NRP1: variants seen among roughly 807,000 people sequenced by gnomAD.
The protein encoded by NRP1 is neuropilin-1.
Under a neutral mutation model 106.7 loss-of-function variants are expected in NRP1, and 35 were observed. The ratio of observed to expected loss-of-function variants is 0.33; its 90% CI spans 0.25 to 0.43. The LOEUF (loss-of-function observed/expected upper bound fraction) is 0.43, where lower values mean the gene tolerates loss of function less well. NRP1 is among the 20% of genes least tolerant of loss of function. The pLI, the probability that NRP1 is intolerant of heterozygous loss-of-function variation, is 1.00. For missense variants in NRP1, 1,024 were observed against 1,170.4 expected, an observed-to-expected ratio of 0.87 and a Z score of 1.83; for synonymous variants, 437 against 417.9, an observed-to-expected ratio of 1.05 and a Z score of -0.56.
intron 1 of NRP1, among the ~76,000 whole-genome samples, chr10:33,331,533 G>A (rs1044644920): frequency 2.0e-5 from 3 of 152,162 alleles, no homozygotes; most frequent in Non-Finnish European, 2.9e-5. Flanking sequence ...CTTGGAGATC[G>A]GATCAAAGCA....
At chr10:33,258,214 G>A (rs567114902) in intron 4 of NRP1, among the ~76,000 whole-genome samples, 1 of 152,236 alleles carries the variant, frequency 6.6e-6, no homozygotes, top group East Asian at 1.9e-4. Flanking sequence ...TTGGCCGACA[G>A]GTTTTCAGCT....
chr10:33,315,808 A>G (rs1846988802), intron 2 of NRP1, among the ~76,000 whole-genome samples: 1 of 152,240 alleles, frequency 6.6e-6, no homozygotes, highest in South Asian at 2.1e-4. Context: ...ATGATAAGTA[A>G]CATTTTGACA....
intron 2 of NRP1, among the ~76,000 whole-genome samples, chr10:33,301,351 G>A (rs1359334045): frequency 6.6e-6 from 1 of 152,158 alleles, no homozygotes; most frequent in East Asian, 1.9e-4. Context: ...TAAATAAACT[G>A]GATGACAGCG....
intron 7 of NRP1, among the ~76,000 whole-genome samples, chr10:33,222,840 A>T (rs528473891): frequency 1.3e-5 from 2 of 152,310 alleles, no homozygotes; most frequent in South Asian, 4.1e-4. Context: ...TCTAAGAAAG[A>T]TGAGGCATGT....
intron 5 of NRP1, among the ~76,000 whole-genome samples, chr10:33,255,380 CCT>C (rs1842128623): frequency 6.6e-6 from 1 of 152,132 alleles, no homozygotes; most frequent in Non-Finnish European, 1.5e-5. Context: ...CCAAACACCC[CCT>C]GTCCTCTCCC....
Position 33,180,006 on chromosome 10 carries a change from C to CA in NRP1, c.*69dup, listed in dbSNP as rs1264491517. The CA allele has an allele frequency of 1.3e-6, 2 of 1,510,314 alleles. No homozygotes were observed. The highest frequency in any genetic ancestry group is 1.8e-6 in the Non-Finnish European group (2 of 1,103,976). 93.6% of individuals were successfully genotyped at this position (1,510,314 alleles called of 1,614,324 possible). A position where few individuals can be genotyped will look rare whatever the true frequency, so the allele number is the denominator to read the frequency against. ...CTTCCCAGCCTGTATAGTGAAAGAT[C>CA]AACAGCTCCCCAGCTCACTCCCGTC... On this transcript the variant is annotated 3_prime_UTR_variant, in exon 17 of 17. Coordinates refer to ENST00000374867, the MANE Select transcript of NRP1 (RefSeq NM_003873.7).
At chr10:33,213,274 C>T in intron 9 of NRP1, 112 bp downstream of exon 9, 2 of 1,613,050 alleles carry the variant, frequency 1.2e-6, no homozygotes, top group Non-Finnish European at 1.7e-6. Context: ...CACACCTCCT[C>T]TAATGTCATG....
chr10:33,192,362 A>G lies in NRP1; in HGVS notation c.1981T>C (p.Cys661Arg), dbSNP rs1367824389. 1.2e-6 allele frequency: 2 copies of G among 1,613,932 alleles called. No homozygotes were observed. Among genetic ancestry groups the G allele is most frequent in the Non-Finnish European group, 1.7e-6 (2 of 1,179,908 alleles). ...EFGWGSHKTF[C>R]HWEHDNHVQL... Reference sequence around the variant, plus strand: ...ACGTGATTGTCATGTTCCCAGTGGCAGAAGGTCTTGTGAGAGCCCCAGCCA... The same window carrying G: ...ACGTGATTGTCATGTTCCCAGTGGCGGAAGGTCTTGTGAGAGCCCCAGCCA... Residue 661 changes from cysteine to arginine, a missense_variant, in exon 13 of 17, where the codon TGC (cysteine) becomes CGC (arginine). Transcript: ENST00000374867.
rs116202497 is a variant in NRP1 at position 33,310,875 on chromosome 10, G to A, written c.248+19833C>T. ...GCTTGGGATGTGGGGAAGAAAAGACGACCTACAGTTTCTATTTATTGTTTC... is the reference window on the plus strand; with the variant it reads ...GCTTGGGATGTGGGGAAGAAAAGACAACCTACAGTTTCTATTTATTGTTTC... On this transcript the variant is annotated intron_variant, in intron 2 of 16. Coordinates refer to ENST00000374867, the MANE Select transcript of NRP1 (RefSeq NM_003873.7). Among the ~76,000 whole-genome samples the A allele has an allele frequency of 7.0e-3, 1,060 of 152,188 alleles. 15 individuals are homozygous for A. Among genetic ancestry groups the A allele is most frequent in the African/African-American group, 0.025 (1,028 of 41,544 alleles).
At chr10:33,260,608 G>A (rs963203663) in intron 4 of NRP1, among the ~76,000 whole-genome samples, 1 of 152,088 alleles carries the variant, frequency 6.6e-6, no homozygotes, top group Non-Finnish European at 1.5e-5. Context: ...GGGCAATGAT[G>A]CTGCACTTTT....
At chr10:33,282,272 C>A (rs1844197781) in intron 2 of NRP1, among the ~76,000 whole-genome samples, 1 of 152,102 alleles carries the variant, frequency 6.6e-6, no homozygotes, top group Non-Finnish European at 1.5e-5. Flanking sequence ...GGTGGAGGCA[C>A]TAGGGTGCAA....
chr10:33,254,599 T>C (rs4934851), intron 5 of NRP1, among the ~76,000 whole-genome samples: 88,575 of 151,922 alleles, frequency 0.58, 26,012 homozygotes, highest in East Asian at 0.71. Flanking sequence ...TCGAAGAGAA[T>C]TGAAAAAAGA....
At chr10:33,213,825 T>C in intron 8 of NRP1, 108 bp from the exon 9 acceptor site, 2 of 867,322 alleles carry the variant, frequency 2.3e-6, no homozygotes, top group Admixed American at 3.0e-5. Context: ...TACCCAATCA[T>C]ATACAATTTT....
chr10:33,233,351 G>A (rs1840309006), intron 6 of NRP1, among the ~76,000 whole-genome samples: 1 of 152,088 alleles, frequency 6.6e-6, no homozygotes, highest in Admixed American at 6.5e-5. Flanking sequence ...TATGGCCATG[G>A]TATTGTCTTA....
Position 33,199,365 on chromosome 10 carries a change from T to TTATA in NRP1, c.1865-1657_1865-1656insTATA, listed in dbSNP as rs57582967. Among the ~76,000 whole-genome samples, 17 of 64,266 alleles carry TTATA rather than the reference T, an allele frequency of 2.6e-4. 2 individuals carry two copies. Among genetic ancestry groups the TTATA allele is most frequent in the African/African-American group, 7.7e-4 (15 of 19,444 alleles). 42.2% of individuals were successfully genotyped at this position (64,266 alleles called of 152,430 possible). ...GTGTGCGCCACCATGCCTGGCTGTT[T>TTATA]TCTATATATATATATATATATATAT... is the stretch of plus-strand genomic sequence containing the variant. On this transcript the variant is annotated intron_variant, in intron 11 of 16. Coordinates refer to ENST00000374867, the MANE Select transcript of NRP1 (RefSeq NM_003873.7).
intron 4 of NRP1, among the ~76,000 whole-genome samples, chr10:33,259,637 T>G (rs1165980997): frequency 6.6e-6 from 1 of 152,188 alleles, no homozygotes; most frequent in African/African-American, 2.4e-5. Context: ...AGAGGAGAGC[T>G]ATAATGATCA....
intron 3 of NRP1, among the ~76,000 whole-genome samples, chr10:33,266,177 A>G (rs1842904774): frequency 6.6e-6 from 1 of 152,202 alleles, no homozygotes; most frequent in African/African-American, 2.4e-5. Context: ...TGAGAAAAAA[A>G]TGACAGGAAT....
At chr10:33,293,440 A>G (rs1845145860) in intron 2 of NRP1, among the ~76,000 whole-genome samples, 1 of 152,158 alleles carries the variant, frequency 6.6e-6, no homozygotes. Context: ...AATTAATTTC[A>G]TTGTGCCAGA....
chr10:33,293,082 AG>A (rs1845118712), intron 2 of NRP1, among the ~76,000 whole-genome samples: 2 of 152,238 alleles, frequency 1.3e-5, no homozygotes, highest in South Asian at 4.1e-4. Context: ...AAATTTTAGA[AG>A]ACAGGCTTCC....
Sources: gnomAD v4.1 joint callset for allele counts (sites outside exome capture counted in the v4.1 genomes callset) on GRCh38, gnomAD v4.1.1 for gene constraint, MANE v1.5 for transcripts, NCBI Gene and HGNC (gene_info 2026-07-23, HGNC 2026-07-21) for gene names.